Variants in MROH2A observed in about 807,000 individuals in gnomAD.
MROH2A encodes the protein maestro heat like repeat family member 2A.
MROH2A carries 174 observed loss-of-function variants against 200.4 expected under a neutral mutation model. That is an observed-to-expected ratio of 0.87 (90% CI 0.77 to 0.98). The LOEUF (loss-of-function observed/expected upper bound fraction) is 0.98. MROH2A is among the 50% of genes least tolerant of loss of function. The probability of loss-of-function intolerance (pLI) is 0.00; values close to 1 mark genes in which losing one functional copy is unlikely to be tolerated. For synonymous variants in MROH2A, 829 were observed against 840.4 expected (o/e 0.99, Z 0.23); for missense variants, 2,045 against 2,139.6 (o/e 0.96, Z 0.87).
rs1027829208 is a variant in MROH2A, at chr2:233,779,620, T to C, written c.95-51T>C. ...GCAAGGCCAGGGACACAAGGGCACC[T>C]CCTGTCATGGTCATTTCCACACTGC... On this transcript the variant is annotated intron_variant, in intron 2 of 41. Transcript: ENST00000389758. 6 of 1,536,818 alleles carry C rather than the reference T, an allele frequency of 3.9e-6. No homozygotes were observed. The African/African-American group carries it at 8.2e-5, about 21-fold the overall frequency.
chr2:233,827,100 A>G (rs1704366441), intron 35 of MROH2A, among the ~76,000 whole-genome samples: 1 of 152,236 alleles, frequency 6.6e-6, no homozygotes, highest in African/African-American at 2.4e-5. Flanking sequence ...GCAGAGAAAT[A>G]GGAACACTTT....
At chr2:233,796,109 C>A in intron 10 of MROH2A, 64 bp downstream of exon 10, 1 of 1,523,376 alleles carries the variant, frequency 6.6e-7, no homozygotes, top group East Asian at 2.5e-5. Context: ...TGTAGGAGTC[C>A]CGGCCCCTCT....
intron 19 of MROH2A, among the ~76,000 whole-genome samples, chr2:233,805,615 G>T (rs1370108361): frequency 6.6e-6 from 1 of 151,848 alleles, no homozygotes. Flanking sequence ...ATGAGAAGAA[G>T]AATAAAGTTG....
At position 233,794,394 on chromosome 2, in the gene MROH2A, C is replaced by T. The variant is rs1266847679; in HGVS notation, c.854C>T (p.Pro285Leu). ...VKLGVIKSLK[P>L]MLGLLLPNDD... ...CTGGGGGTGATCAAGTCCCTGAAGC[C>T]CATGCTCGGCCTCCTTCTGCCCAAC... Residue 285 changes from proline (P) to leucine (L), a missense_variant, in exon 8 of 42, where the codon CCC (proline) becomes CTC (leucine). Coordinates refer to ENST00000389758, the MANE Select transcript of MROH2A (RefSeq NM_001394639.1). 5 of 1,550,366 alleles carry T rather than the reference C, an allele frequency of 3.2e-6. No homozygotes were observed. The highest frequency in any genetic ancestry group is 2.0e-5 in the Admixed American group (1 of 50,978).
intron 11 of MROH2A, among the ~76,000 whole-genome samples, chr2:233,797,060 A>G (rs1702161087): frequency 1.3e-5 from 2 of 152,222 alleles, no homozygotes; most frequent in African/African-American, 4.8e-5. Flanking sequence ...TGCAGGCCAT[A>G]TAGTGTCTTT....
At chr2:233,798,261 T>A (rs1046094910) in intron 11 of MROH2A, among the ~76,000 whole-genome samples, 1 of 152,210 alleles carries the variant, frequency 6.6e-6, no homozygotes, top group Non-Finnish European at 1.5e-5. Flanking sequence ...CCAGACTCTG[T>A]GTTAACTCTG....
chr2:233,790,271 CTT>C (rs1453748701), intron 5 of MROH2A, among the ~76,000 whole-genome samples: 2 of 136,228 alleles, frequency 1.5e-5, no homozygotes, highest in Non-Finnish European at 3.1e-5. Flanking sequence ...TTCCATCTCT[CTT>C]TCTTTTTTAA....
chr2:233,788,709 C>T (rs1177236397), intron 3 of MROH2A, among the ~76,000 whole-genome samples: 6 of 151,116 alleles, frequency 4.0e-5, no homozygotes, highest in African/African-American at 1.2e-4. Context: ...AGGCCGAGGC[C>T]GGCAGATCAC....
chr2:233,796,458 C>T, intron 11 of MROH2A, 145 bp downstream of exon 11: 3 of 605,442 alleles, frequency 5.0e-6, no homozygotes, highest in Non-Finnish European at 8.7e-6. Context: ...TTCTTGGCTG[C>T]TTTGCATTTT....
intron 6 of MROH2A, among the ~76,000 whole-genome samples, chr2:233,793,221 G>T (rs544219474): frequency 6.6e-6 from 1 of 152,320 alleles, no homozygotes; most frequent in African/African-American, 2.4e-5. Context: ...GAGGGAGACC[G>T]GGGAAAACGG....
Position 233,828,704 on chromosome 2 carries a change from C to G in MROH2A, c.4188C>G (p.Asp1396Glu). Residue 1396 changes from aspartate to glutamate, a missense_variant, in exon 36 of 42, where the codon GAC becomes GAG. By Grantham distance (45) the Asp-to-Glu change is conservative. Transcript: ENST00000389758. The surrounding 1 kb of genome is among the most constrained non-coding windows in gnomAD (Gnocchi z 4.6). Reference protein sequence around the residue: ...PAALLLEKGADQEEDEALRVL... With the variant: ...PAALLLEKGAEQEEDEALRVL... ...CTTTGCTGCTGGAGAAGGGTGCCGACCAGGAGGAAGACGAGGCCCTGCGGG... is the reference window on the plus strand; with the variant it reads ...CTTTGCTGCTGGAGAAGGGTGCCGAGCAGGAGGAAGACGAGGCCCTGCGGG... 6.4e-7 allele frequency: 1 copy of G among 1,550,686 alleles called. No individual in the cohort carries two copies. The highest frequency in any genetic ancestry group is 8.7e-7 in the Non-Finnish European group (1 of 1,147,018).
At chr2:233,810,026 A>G (rs1467846363) in intron 22 of MROH2A, among the ~76,000 whole-genome samples, 1 of 152,106 alleles carries the variant, frequency 6.6e-6, no homozygotes, top group Non-Finnish European at 1.5e-5. Flanking sequence ...TGTCTGGCTT[A>G]TTTCATTTAT....
Position 233,789,963 on chromosome 2 carries a change from C to G in MROH2A, c.520C>G (p.Leu174Val). ...GCAGCACCACCTCAAGCCCCTCAAC[C>G]TCACTGATGAATTTGTCATCATCAC... is the stretch of plus-strand genomic sequence containing the variant. ...ELQHHLKPLN[L>V]TDEFVIITLA... The change falls in exon 5 of 42, where the codon CTC (leucine) becomes GTC (valine). Residue 174 changes from leucine (L) to valine (V), a missense_variant. Transcript: ENST00000389758. 1 of 1,550,522 alleles carries G rather than the reference C, an allele frequency of 6.4e-7. No homozygotes were observed. Among genetic ancestry groups the G allele is most frequent in the Non-Finnish European group, 8.7e-7 (1 of 1,146,940 alleles).
At chr2:233,776,373 T>C (rs1480566854), upstream of MROH2A, among the ~76,000 whole-genome samples, 1 of 103,980 alleles carries the variant, frequency 9.6e-6, no homozygotes, top group Non-Finnish European at 2.1e-5. Flanking sequence ...TTTTTTTTTT[T>C]GAGACGGAGT....
At chr2:233,830,053 T>G (rs1306122217) in intron 38 of MROH2A, among the ~76,000 whole-genome samples, 1 of 152,198 alleles carries the variant, frequency 6.6e-6, no homozygotes, top group African/African-American at 2.4e-5. Flanking sequence ...AGCCCTCCTC[T>G]GCCCAAACCC....
chr2:233,785,192 C>T (rs1438528627), intron 3 of MROH2A, among the ~76,000 whole-genome samples: 1 of 151,522 alleles, frequency 6.6e-6, no homozygotes, highest in Non-Finnish European at 1.5e-5. Context: ...TATGATGAGA[C>T]CAACAGCTCA....
intron 26 of MROH2A, among the ~76,000 whole-genome samples, chr2:233,815,608 A>T (rs115871533): frequency 5.3e-5 from 8 of 152,248 alleles, no homozygotes; most frequent in South Asian, 2.1e-4. Context: ...TTTTTTGCAC[A>T]TGGATAGCCA....
At chr2:233,810,200 G>A (rs1314883856) in intron 22 of MROH2A, among the ~76,000 whole-genome samples, 1 of 152,190 alleles carries the variant, frequency 6.6e-6, no homozygotes, top group Non-Finnish European at 1.5e-5. Context: ...CTTCCGTGGT[G>A]TATTAGTTCG....
chr2:233,803,412 G>A (rs1177030760), intron 15 of MROH2A, 36 bp from the exon 16 acceptor site: 7 of 1,550,124 alleles, frequency 4.5e-6, no homozygotes, highest in African/African-American at 2.7e-5. Context: ...GTACAAGCCA[G>A]GAAGGCTCAG....
Sources: gnomAD v4.1 joint callset for allele counts (sites outside exome capture counted in the v4.1 genomes callset) on GRCh38, gnomAD v4.1.1 for gene constraint, Gnocchi (gnomAD v3.1) non-coding constraint, MANE v1.5 for transcripts, NCBI Gene and HGNC (gene_info 2026-07-23, HGNC 2026-07-21) for gene names.